The following SGCZ variants were observed in gnomAD, a reference collection of about 807,000 sequenced individuals.
SGCZ encodes the protein sarcoglycan zeta.
A neutral mutation model predicts 41.3 loss-of-function variants in SGCZ; 40 were observed. The observed-to-expected ratio is 0.97, with a 90% CI of 0.75 to 1.26. The LOEUF (loss-of-function observed/expected upper bound fraction) is 1.26, where lower values mean the gene tolerates loss of function less well. Among genes scored for constraint, SGCZ ranks in the 50% most tolerant of loss-of-function variants. The probability of loss-of-function intolerance (pLI) is 0.00; values close to 1 mark genes in which losing one functional copy is unlikely to be tolerated. For synonymous variants in SGCZ, 206 were observed against 137.5 expected, an observed-to-expected ratio of 1.50 and a Z score of -3.49; for missense variants, 552 against 369.8, an observed-to-expected ratio of 1.49 and a Z score of -4.04.
chr8:14,291,667 C>G (rs1800846264), intron 3 of SGCZ, among the ~76,000 whole-genome samples: 1 of 107,232 alleles, frequency 9.3e-6, no homozygotes, highest in Non-Finnish European at 2.0e-5. Context: ...AGTTCTTATT[C>G]TTTATTCGGA....
intron 3 of SGCZ, among the ~76,000 whole-genome samples, chr8:14,245,213 T>C (rs184646121): frequency 1.4e-4 from 21 of 152,290 alleles, no homozygotes; most frequent in Admixed American, 3.9e-4. Context: ...CCATTCAGTA[T>C]GATATTGACT....
rs533031104 is a variant in SGCZ at position 15,200,927 on chromosome 8, C to G, written c.39+36658G>C. Among the ~76,000 whole-genome samples, 3 of 152,278 alleles carry G rather than the reference C, an allele frequency of 2.0e-5. No individual in the cohort carries two copies. In the East Asian group the frequency reaches 5.8e-4, roughly 29 times the overall value. On this transcript the variant is annotated intron_variant, in intron 1 of 7. Transcript: ENST00000382080. ...ATTGAAATGTACATTCTGTTGGTCT[C>G]TAAATATTCTTTTCCCTTTGAATCT...
chr8:14,129,668 A>G (rs1408374686), intron 5 of SGCZ, among the ~76,000 whole-genome samples: 7 of 152,072 alleles, frequency 4.6e-5, no homozygotes, highest in Non-Finnish European at 1.0e-4. Flanking sequence ...AACTAAACAC[A>G]AATCAGTGTT....
intron 1 of SGCZ, among the ~76,000 whole-genome samples, chr8:14,658,405 A>G (rs1009206145): frequency 6.6e-6 from 1 of 152,102 alleles, no homozygotes; most frequent in Non-Finnish European, 1.5e-5. Context: ...GTAAATTCAG[A>G]TCTGATCACT....
intron 3 of SGCZ, among the ~76,000 whole-genome samples, chr8:14,239,819 G>A (rs35793886): frequency 0.13 from 18,703 of 140,808 alleles, 1,364 homozygotes; most frequent in Admixed American, 0.2. Flanking sequence ...GGAGAATGGC[G>A]TGAACCCGGG....
intron 1 of SGCZ, among the ~76,000 whole-genome samples, chr8:15,013,768 A>T (rs952477501): frequency 6.6e-6 from 1 of 152,232 alleles, no homozygotes; most frequent in Non-Finnish European, 1.5e-5. Context: ...CATATGCTTA[A>T]TGAATAGTAG....
intron 2 of SGCZ, among the ~76,000 whole-genome samples, chr8:14,445,539 T>C (rs78003005): frequency 6.6e-6 from 1 of 152,056 alleles, no homozygotes; most frequent in Non-Finnish European, 1.5e-5. Context: ...TTACCCCACC[T>C]GCCCCCTTCT....
At chr8:14,990,236 GT>G (rs946782814) in intron 1 of SGCZ, among the ~76,000 whole-genome samples, 1 of 152,156 alleles carries the variant, frequency 6.6e-6, no homozygotes, top group African/African-American at 2.4e-5. Context: ...CCAAAATTTA[GT>G]GTGATTTAGA....
intron 1 of SGCZ, among the ~76,000 whole-genome samples, chr8:15,068,535 C>T (rs1805234835): frequency 1.3e-5 from 2 of 152,128 alleles, no homozygotes; most frequent in African/African-American, 4.8e-5. Flanking sequence ...TTGATGTTCA[C>T]AGAAGTTCAA....
At chr8:14,465,223 T>C (rs1258193814) in intron 2 of SGCZ, among the ~76,000 whole-genome samples, 4 of 151,588 alleles carry the variant, frequency 2.6e-5, no homozygotes, top group Non-Finnish European at 5.9e-5. Context: ...CTGTCAACTT[T>C]TGCCTCATAT....
At chr8:14,837,656 T>C (rs1348344169) in intron 1 of SGCZ, among the ~76,000 whole-genome samples, 5 of 152,250 alleles carry the variant, frequency 3.3e-5, no homozygotes, top group Admixed American at 3.3e-4. Flanking sequence ...TCTTCATTCT[T>C]GTACTGTCAA....
intron 1 of SGCZ, among the ~76,000 whole-genome samples, chr8:15,020,042 G>A (rs993315807): frequency 1.3e-5 from 2 of 151,674 alleles, no homozygotes; most frequent in South Asian, 2.1e-4. Context: ...TTTAGCGCAC[G>A]AACCAAAATG....
At chr8:14,687,252 G>C (rs1285910743) in intron 1 of SGCZ, among the ~76,000 whole-genome samples, 1 of 149,918 alleles carries the variant, frequency 6.7e-6, no homozygotes. Context: ...GTGCACGTTA[G>C]TTACATATGT....
At chr8:14,674,769 T>C (rs978374005) in intron 1 of SGCZ, among the ~76,000 whole-genome samples, 1 of 151,340 alleles carries the variant, frequency 6.6e-6, no homozygotes, top group Non-Finnish European at 1.5e-5. Flanking sequence ...TAAAAGTGTG[T>C]AGCCCCTCCC....
rs185124884 is a variant in SGCZ at position 14,869,939 on chromosome 8, C to T, written c.40-315013G>A. ...TCAAGTAACTAAGAGAGGACACAAA[C>T]AAATGGAAAAATATTCCATGCTCAT... On this transcript the variant is annotated intron_variant, in intron 1 of 7. Coordinates refer to ENST00000382080, the MANE Select transcript of SGCZ (RefSeq NM_139167.4). 1.1e-4 allele frequency among the ~76,000 whole-genome samples: 16 copies of T among 152,238 alleles called. No homozygotes were observed. The South Asian group carries it at 3.1e-3, about 30-fold the overall frequency.
At chr8:14,149,350 A>C (rs904048361) in intron 5 of SGCZ, among the ~76,000 whole-genome samples, 2 of 152,148 alleles carry the variant, frequency 1.3e-5, no homozygotes, top group Admixed American at 1.3e-4. Flanking sequence ...CAAAATCAAC[A>C]TACGAAATTC....
At chr8:14,368,699 A>G (rs1803802592) in intron 2 of SGCZ, among the ~76,000 whole-genome samples, 1 of 151,570 alleles carries the variant, frequency 6.6e-6, no homozygotes, top group South Asian at 2.1e-4. Flanking sequence ...TAAAGTGAAC[A>G]GATACATCCT....
chr8:15,180,132 C>A (rs375422195), intron 1 of SGCZ, among the ~76,000 whole-genome samples: 1 of 152,112 alleles, frequency 6.6e-6, no homozygotes, highest in African/African-American at 2.4e-5. Flanking sequence ...GGAAAACCAC[C>A]CTAGTCATGA....
intron 1 of SGCZ, among the ~76,000 whole-genome samples, chr8:14,792,877 C>G (rs1474146585): frequency 6.6e-6 from 1 of 152,120 alleles, no homozygotes; most frequent in African/African-American, 2.4e-5. Flanking sequence ...TCGATAGACT[C>G]TCCTCCTAGG....
Sources: allele counts gnomAD v4.1 joint callset (sites outside exome capture counted in the v4.1 genomes callset), GRCh38; gene constraint gnomAD v4.1.1; transcripts MANE v1.5; gene names NCBI Gene and HGNC (gene_info 2026-07-23, HGNC 2026-07-21).